RSAD2: variants seen among roughly 807,000 people sequenced by gnomAD.
RSAD2 encodes radical S-adenosyl methionine domain containing 2.
Under a neutral mutation model 37.7 loss-of-function variants are expected in RSAD2, and 38 were observed. That is an observed-to-expected ratio of 1.01 (90% CI 0.78 to 1.32). RSAD2 has a LOEUF of 1.32. RSAD2 is among the 40% of genes most tolerant of loss of function. RSAD2 has a pLI of 0.00. For synonymous variants in RSAD2, 163 were observed against 157.4 expected, an observed-to-expected ratio of 1.04 and a Z score of -0.27; for missense variants, 428 against 437.5, an observed-to-expected ratio of 0.98 and a Z score of 0.19.
At position 6,878,164 on chromosome 2, in the gene RSAD2, G is replaced by T; in HGVS notation, c.346+18G>T. The T allele has an allele frequency of 2.5e-6, 4 of 1,596,398 alleles. No individual in the cohort carries two copies. The highest frequency in any genetic ancestry group is 3.4e-6 in the Non-Finnish European group (4 of 1,169,602). On this transcript the variant is annotated intron_variant, in intron 1 of 5. Transcript: ENST00000382040. The stretch of plus-strand genomic sequence containing the variant: ...GGAAGCTGGTGAGTACATGGTCCTA[G>T]ACAGAAATCAGGATTCTCAACCACT...
Position 6,890,189 on chromosome 2 carries a change from T to C in RSAD2, c.752T>C (p.Leu251Pro). ...ATTGCCTTTCAGGTGTTCCAGTGCC[T>C]CTTAATTGAGGGTGAGAATTGTGGA... ...NPVRWKVFQC[L>P]LIEGENCGED... is the part of the protein sequence containing the mutation. Residue 251 changes from leucine (L) to proline (P), a missense_variant, in exon 4 of 6, where the codon CTC becomes CCC. Leu to Pro is a moderately conservative substitution (Grantham distance 98). Transcript: ENST00000382040. 1.2e-6 allele frequency: 2 copies of C among 1,614,130 alleles called. No homozygotes were observed. Among genetic ancestry groups the C allele is most frequent in the Non-Finnish European group, 1.7e-6 (2 of 1,180,012 alleles).
chr2:6,889,580 G>A (rs1313921343), intron 3 of RSAD2, among the ~76,000 whole-genome samples: 2 of 151,998 alleles, frequency 1.3e-5, no homozygotes, highest in Non-Finnish European at 2.9e-5. Context: ...TGTCACCTTG[G>A]GCAAGTCTCT....
intron 1 of RSAD2, chr2:6,866,402 A>C (rs1246712849): frequency 2.0e-6 from 2 of 981,946 alleles, no homozygotes; most frequent in Non-Finnish European, 2.4e-6. Context: ...ACCTGTGCAC[A>C]CACTCACCTT....
chr2:6,886,055 A>G lies in RSAD2; in HGVS notation c.509-880A>G, dbSNP rs1663512024. Reference sequence around the variant, plus strand: ...TGCTTAAAGAGTTTTTGGAATTTCCAGCTTCTATAATTTGAAAGTAATTTT... The same window carrying G: ...TGCTTAAAGAGTTTTTGGAATTTCCGGCTTCTATAATTTGAAAGTAATTTT... On this transcript the variant is annotated intron_variant, in intron 2 of 5. Coordinates refer to ENST00000382040, the MANE Select transcript of RSAD2 (RefSeq NM_080657.5). 2.6e-5 allele frequency among the ~76,000 whole-genome samples: 4 copies of G among 152,218 alleles called. No individual in the cohort carries two copies. In the South Asian group the frequency reaches 8.3e-4, roughly 31 times the overall value.
At chr2:6,881,028 C>T (rs901491783) in intron 1 of RSAD2, among the ~76,000 whole-genome samples, 11 of 152,178 alleles carry the variant, frequency 7.2e-5, no homozygotes, top group African/African-American at 2.6e-4. Flanking sequence ...TACTCCTTGT[C>T]TAAGATATTA....
chr2:6,870,986 C>G (rs1168216653), intron 1 of RSAD2, among the ~76,000 whole-genome samples: 1 of 152,180 alleles, frequency 6.6e-6, no homozygotes, highest in African/African-American at 2.4e-5. Flanking sequence ...ACTTTACTGG[C>G]CAAAGTGGGA....
chr2:6,866,010 T>G, exon 1 of RSAD2: 2 of 558,556 alleles, frequency 3.6e-6, no homozygotes, highest in Non-Finnish European at 5.4e-6. Flanking sequence ...CTCCCGGGGC[T>G]GACACCGAAT....
At chr2:6,878,785 C>T (rs771876812) in intron 1 of RSAD2, 4 of 1,178,120 alleles carry the variant, frequency 3.4e-6, no homozygotes, top group Non-Finnish European at 4.3e-6. Flanking sequence ...CAGATCTGTT[C>T]TGCCTTCCGT....
At position 6,878,079 on chromosome 2, in the gene RSAD2, A is replaced by G; in HGVS notation, c.279A>G (p.Thr93=). ...CNYKCGFCFH[T]AKTSFVLPLE... The stretch of plus-strand genomic sequence containing the variant: ...ACAAATGCGGCTTCTGTTTCCACAC[A>G]GCCAAAACATCCTTTGTGCTGCCCC... Residue 93 remains threonine, a synonymous_variant, in exon 1 of 6, where the codon ACA becomes ACG. Transcript: ENST00000382040. 6.2e-7 allele frequency: 1 copy of G among 1,614,124 alleles called. No homozygotes were observed. The highest frequency in any genetic ancestry group is 8.5e-7 in the Non-Finnish European group (1 of 1,179,966).
At chr2:6,868,570 G>T (rs370876371) in intron 1 of RSAD2, among the ~76,000 whole-genome samples, 7 of 152,294 alleles carry the variant, frequency 4.6e-5, no homozygotes, top group African/African-American at 1.7e-4. Flanking sequence ...TAATGAAAGG[G>T]CTAAAAAGCA....
At chr2:6,874,982 C>G (rs368432454), upstream of RSAD2, among the ~76,000 whole-genome samples, 4 of 152,244 alleles carry the variant, frequency 2.6e-5, no homozygotes, top group East Asian at 1.9e-4. Flanking sequence ...GAGTTCCCAG[C>G]CTTACAGTGA....
chr2:6,867,026 T>C (rs1198996725), intron 1 of RSAD2, among the ~76,000 whole-genome samples: 2 of 152,258 alleles, frequency 1.3e-5, no homozygotes, highest in African/African-American at 2.4e-5. Flanking sequence ...ATTTCACTTT[T>C]GGACATTTAG....
chr2:6,872,059 G>A (rs1435775131), intron 1 of RSAD2, among the ~76,000 whole-genome samples: 3 of 152,132 alleles, frequency 2.0e-5, no homozygotes, highest in African/African-American at 7.2e-5. Flanking sequence ...AGATGGGGTG[G>A]ATGCAGATGG....
chr2:6,891,802 A>C (rs1225228872), intron 4 of RSAD2, among the ~76,000 whole-genome samples: 1 of 152,182 alleles, frequency 6.6e-6, no homozygotes, highest in Non-Finnish European at 1.5e-5. Context: ...ATACCAAAAA[A>C]AAATAAAGAT....
chr2:6,883,284 T>C, intron 1 of RSAD2, 87 bp from the exon 2 acceptor site: 1 of 1,435,232 alleles, frequency 7.0e-7, no homozygotes, highest in African/African-American at 1.4e-5. Flanking sequence ...TTATTTCTTT[T>C]TTTTACATTG....
chr2:6,875,441 A>T (rs1284258449), upstream of RSAD2, among the ~76,000 whole-genome samples: 3 of 152,202 alleles, frequency 2.0e-5, no homozygotes, highest in Non-Finnish European at 4.4e-5. Flanking sequence ...CCTTAACCCC[A>T]GCATGCTTTC....
At chr2:6,883,254 G>A (rs1009116343) in intron 1 of RSAD2, 117 bp from the exon 2 acceptor site, 3 of 1,141,776 alleles carry the variant, frequency 2.6e-6, no homozygotes, top group Non-Finnish European at 3.7e-6. Context: ...GTTAGGGGAG[G>A]GGAAATTAAT....
At chr2:6,870,534 T>C (rs990777855) in intron 1 of RSAD2, among the ~76,000 whole-genome samples, 2 of 152,146 alleles carry the variant, frequency 1.3e-5, no homozygotes, top group Non-Finnish European at 2.9e-5. Context: ...GACTATTTTT[T>C]CCCCCATAGG....
intron 3 of RSAD2, 64 bp downstream of exon 3, chr2:6,887,228 A>C (rs932056069): frequency 4.0e-6 from 5 of 1,241,068 alleles, no homozygotes; most frequent in African/African-American, 1.5e-5. Context: ...GACTTTTTTC[A>C]ATGAAACTGA....
Sources: gnomAD v4.1 joint callset for allele counts (sites outside exome capture counted in the v4.1 genomes callset) on GRCh38, gnomAD v4.1.1 for gene constraint, MANE v1.5 for transcripts, NCBI Gene and HGNC (gene_info 2026-07-23, HGNC 2026-07-21) for gene names.